The following DLC1 variants were observed in gnomAD, a reference collection of about 807,000 sequenced individuals.
DLC1 encodes rho GTPase-activating protein 7.
Under a neutral mutation model 140.3 loss-of-function variants are expected in DLC1, and 54 were observed. That is an observed-to-expected ratio of 0.38 (90% CI 0.31 to 0.48). The LOEUF (loss-of-function observed/expected upper bound fraction) is 0.48, where lower values mean the gene tolerates loss of function less well. Among genes scored for constraint, DLC1 ranks in the 20% least tolerant of loss-of-function variants. The pLI is 0.96. For missense variants in DLC1, 2,536 were observed against 1,907.0 expected (o/e 1.33, Z -6.14); for synonymous variants, 986 against 728.1 (o/e 1.35, Z -5.70).
intron 5 of DLC1, chr8:13,304,968 T>A (rs1226468990): frequency 7.7e-6 from 8 of 1,042,692 alleles, no homozygotes; most frequent in Non-Finnish European, 9.2e-6. Context: ...CCAAATTCAT[T>A]CCCCAGAACC....
chr8:13,335,504 C>G (rs1833780642), intron 4 of DLC1, among the ~76,000 whole-genome samples: 1 of 152,102 alleles, frequency 6.6e-6, no homozygotes, highest in African/African-American at 2.4e-5. Context: ...ACGAGACTTC[C>G]TGATGCAGAG....
At chr8:13,162,470 C>G (rs1824778644) in intron 5 of DLC1, among the ~76,000 whole-genome samples, 2 of 152,134 alleles carry the variant, frequency 1.3e-5, no homozygotes. Context: ...TTACAGGTGC[C>G]TGCCACCAAA....
rs76016688 is a variant in DLC1, at chr8:13,179,105, G to C, written c.1349-63448C>G. Among the ~76,000 whole-genome samples the C allele has an allele frequency of 1.7e-3, 265 of 152,282 alleles. 1 individual carries two copies. Among genetic ancestry groups the C allele is most frequent in the African/African-American group, 5.5e-3 (228 of 41,542 alleles). ...GCTACAGAATGATGAAAACAGACAT[G>C]CTTCAACTTTGCAAAATAATTTGAA... On this transcript the variant is annotated intron_variant, in intron 5 of 17. Transcript: ENST00000276297.
chr8:13,442,878 C>T (rs899969013), intron 2 of DLC1, among the ~76,000 whole-genome samples: 4 of 152,162 alleles, frequency 2.6e-5, no homozygotes, highest in African/African-American at 9.7e-5. Flanking sequence ...GATTATAAAT[C>T]ATGCTGCTGT....
At chr8:13,548,268 A>G (rs1432461294) in intron 1 of DLC1, among the ~76,000 whole-genome samples, 1 of 152,022 alleles carries the variant, frequency 6.6e-6, no homozygotes, top group African/African-American at 2.4e-5. Context: ...TGAATGTTAC[A>G]TGTTTCTATG....
At chr8:13,201,748 C>T (rs545771572) in intron 5 of DLC1, among the ~76,000 whole-genome samples, 4 of 151,826 alleles carry the variant, frequency 2.6e-5, no homozygotes, top group South Asian at 2.1e-4. Flanking sequence ...TTCTCTAAAA[C>T]GCATCATGAA....
intron 4 of DLC1, among the ~76,000 whole-genome samples, chr8:13,378,880 CA>C (rs1467572198): frequency 1.3e-5 from 2 of 152,056 alleles, no homozygotes; most frequent in East Asian, 3.9e-4. Context: ...ATTCTTAAAC[CA>C]ATTAATGGGT....
intron 15 of DLC1, among the ~76,000 whole-genome samples, chr8:13,089,192 C>T (rs1419197803): frequency 1.3e-5 from 2 of 151,356 alleles, no homozygotes; most frequent in Non-Finnish European, 2.9e-5. Context: ...CTAGGAGGCA[C>T]TTTGCAGTGA....
At chr8:13,567,553 G>A in intron 1 of DLC1, 2 of 1,550,628 alleles carry the variant, frequency 1.3e-6, no homozygotes, top group Non-Finnish European at 1.7e-6. Flanking sequence ...GCCAAAACAG[G>A]AGGCAGCAGC....
chr8:13,260,556 G>A (rs1439592388), intron 5 of DLC1, among the ~76,000 whole-genome samples: 2 of 152,016 alleles, frequency 1.3e-5, no homozygotes. Context: ...CCATCTACTG[G>A]AAAATGTCCA....
chr8:13,318,793 T>C (rs1653033), intron 4 of DLC1, among the ~76,000 whole-genome samples: 57,882 of 152,044 alleles, frequency 0.38, 11,389 homozygotes, highest in Middle Eastern at 0.47. Context: ...ATGTCAGTCC[T>C]TGGCCGGCTG....
At chr8:13,178,426 G>T (rs1010308550) in intron 5 of DLC1, among the ~76,000 whole-genome samples, 10 of 151,976 alleles carry the variant, frequency 6.6e-5, no homozygotes, top group African/African-American at 2.4e-4. Flanking sequence ...GCCAGGCGTG[G>T]TGGCGGGCGC....
chr8:13,596,685 T>C (rs911968310), intron 1 of DLC1, among the ~76,000 whole-genome samples: 3 of 151,976 alleles, frequency 2.0e-5, no homozygotes, highest in African/African-American at 7.2e-5. Flanking sequence ...TTCTGTACTT[T>C]ATAAATTTTC....
intron 4 of DLC1, among the ~76,000 whole-genome samples, chr8:13,321,560 AAAAAAAG>A (rs56015364): frequency 0.24 from 28,759 of 121,306 alleles, 6,684 homozygotes; most frequent in Admixed American, 0.29. Flanking sequence ...AAAAAAAAAA[AAAAAAAG>A]AAACCTAAAC....
chr8:13,351,882 T>C (rs1303681625), intron 4 of DLC1, among the ~76,000 whole-genome samples: 1 of 142,314 alleles, frequency 7.0e-6, no homozygotes, highest in Non-Finnish European at 1.5e-5. Flanking sequence ...TTAATTGTCA[T>C]GAATATAATA....
At chr8:13,289,353 GTTAAA>G (rs1347345336) in intron 5 of DLC1, among the ~76,000 whole-genome samples, 7 of 152,084 alleles carry the variant, frequency 4.6e-5, no homozygotes, top group African/African-American at 1.4e-4. Flanking sequence ...TTTGCACCTG[GTTAAA>G]TTAATTTTTT....
At chr8:13,398,245 C>A (rs1167595583) in intron 3 of DLC1, among the ~76,000 whole-genome samples, 4 of 151,688 alleles carry the variant, frequency 2.6e-5, no homozygotes, top group Non-Finnish European at 5.9e-5. Context: ...TGAGCTAGAG[C>A]AATTCCAGAA....
intron 2 of DLC1, among the ~76,000 whole-genome samples, chr8:13,435,774 A>G (rs1337553178): frequency 6.6e-6 from 1 of 152,244 alleles, no homozygotes; most frequent in Non-Finnish European, 1.5e-5. Flanking sequence ...TAATTCTGAA[A>G]GATATGCTAC....
At chr8:13,091,586 C>G (rs182274359) in intron 13 of DLC1, among the ~76,000 whole-genome samples, 154 bp from the exon 14 acceptor site, 1 of 152,086 alleles carries the variant, frequency 6.6e-6, no homozygotes, top group African/African-American at 2.4e-5. Context: ...ACTTTGGTCA[C>G]CAGAGTATCT....
Sources: allele counts gnomAD v4.1 joint callset (sites outside exome capture counted in the v4.1 genomes callset), GRCh38; gene constraint gnomAD v4.1.1; transcripts MANE v1.5; gene names NCBI Gene and HGNC (gene_info 2026-07-23, HGNC 2026-07-21).